The following FAM168A variants were observed in gnomAD, a reference collection of about 807,000 sequenced individuals.
FAM168A encodes the protein family with sequence similarity 168 member A, also known as protein FAM168A.
A neutral mutation model predicts 28.5 loss-of-function variants in FAM168A; 3 were observed. The observed-to-expected ratio is 0.11, with a 90% CI of 0.05 to 0.27. FAM168A has a LOEUF of 0.27. Ranked by LOEUF, FAM168A falls within the 10% of genes least tolerant of loss-of-function variation. FAM168A has a pLI of 1.00. For synonymous variants in FAM168A, 122 were observed against 124.2 expected (o/e 0.98, Z 0.12); for missense variants, 222 against 311.5 (o/e 0.71, Z 2.16).
At chr11:73,497,334 G>A (rs576237784) in intron 1 of FAM168A, among the ~76,000 whole-genome samples, 44 of 152,058 alleles carry the variant, frequency 2.9e-4, no homozygotes, top group East Asian at 1.9e-3. Flanking sequence ...GTGTGGTGGC[G>A]CGCGCCTGTA....
intron 1 of FAM168A, among the ~76,000 whole-genome samples, chr11:73,545,941 A>G (rs569690323): frequency 2.0e-5 from 3 of 152,250 alleles, no homozygotes; most frequent in African/African-American, 4.8e-5. Context: ...AAACACCTAC[A>G]TCTCACAGAA....
At chr11:73,551,158 C>T (rs7945735) in intron 1 of FAM168A, among the ~76,000 whole-genome samples, 12,298 of 150,460 alleles carry the variant, frequency 0.082, 1,524 homozygotes, top group African/African-American at 0.27. Flanking sequence ...CAAGCAGAGG[C>T]CAAACCATGA....
At chr11:73,509,335 A>G (rs981636992) in intron 1 of FAM168A, among the ~76,000 whole-genome samples, 1 of 152,222 alleles carries the variant, frequency 6.6e-6, no homozygotes. Context: ...ATCTCCAAGG[A>G]TGGCTTAAGA....
intron 1 of FAM168A, among the ~76,000 whole-genome samples, chr11:73,542,454 C>A (rs1022466139): frequency 6.6e-6 from 1 of 152,208 alleles, no homozygotes; most frequent in African/African-American, 2.4e-5. Flanking sequence ...TCAGCAAATT[C>A]TGTCAGTTCT....
intron 1 of FAM168A, among the ~76,000 whole-genome samples, chr11:73,579,104 G>A (rs1293394645): frequency 1.3e-5 from 2 of 152,062 alleles, no homozygotes; most frequent in Non-Finnish European, 2.9e-5. Context: ...GCTCTCTGGT[G>A]TCTCTTCTTA....
chr11:73,487,665 C>T (rs1868070723), intron 1 of FAM168A, among the ~76,000 whole-genome samples: 1 of 152,114 alleles, frequency 6.6e-6, no homozygotes, highest in Non-Finnish European at 1.5e-5. Context: ...CACCCAACCT[C>T]AGCCTCTCAT....
chr11:73,447,445 T>C (rs1867339012), intron 2 of FAM168A, among the ~76,000 whole-genome samples: 1 of 150,866 alleles, frequency 6.6e-6, no homozygotes, highest in African/African-American at 2.4e-5. Context: ...CCCAGCTACT[T>C]GGGAAGTTGA....
chr11:73,442,973 T>TATATAC lies in FAM168A; in HGVS notation c.71-12204_71-12203insGTATAT, dbSNP rs1243162934. Among the ~76,000 whole-genome samples the TATATAC allele has an allele frequency of 2.6e-5, 3 of 115,360 alleles. 1 individual carries two copies. The highest frequency in any genetic ancestry group is 5.2e-5 in the Non-Finnish European group (3 of 57,658). 75.7% of individuals were successfully genotyped at this position (115,360 alleles called of 152,430 possible). A position where few individuals can be genotyped will look rare whatever the true frequency, so the allele number is the denominator to read the frequency against. On this transcript the variant is annotated intron_variant, in intron 2 of 7. Coordinates refer to ENST00000356467, the MANE Select transcript of FAM168A (RefSeq NM_015159.3). ...TACAAAGGATATATATATATATATA[T>TATATAC]ATATATATATATATATATATATATG...
At chr11:73,473,378 T>C (rs770294626) in intron 1 of FAM168A, among the ~76,000 whole-genome samples, 5 of 152,138 alleles carry the variant, frequency 3.3e-5, no homozygotes, top group Non-Finnish European at 7.3e-5. Flanking sequence ...CTCAAACCCT[T>C]GTTCAACTCA....
At chr11:73,565,356 A>G (rs1264229804) in intron 1 of FAM168A, among the ~76,000 whole-genome samples, 1 of 152,216 alleles carries the variant, frequency 6.6e-6, no homozygotes, top group Admixed American at 6.5e-5. Flanking sequence ...TTGAGACCAC[A>G]TTATAAGTTA....
chr11:73,431,223 T>A (rs1285538126), intron 2 of FAM168A, among the ~76,000 whole-genome samples: 2 of 151,826 alleles, frequency 1.3e-5, no homozygotes, highest in Non-Finnish European at 2.9e-5. Flanking sequence ...GCGCCTGTGG[T>A]CCCAGCTGCT....
rs1179938742 is a variant in FAM168A at position 73,403,623 on chromosome 11, A to G, written c.*3140T>C. 1 of 151,960 alleles carries G rather than the reference A, an allele frequency of 6.6e-6. No homozygotes were observed. Among genetic ancestry groups the G allele is most frequent in the Non-Finnish European group, 1.5e-5 (1 of 67,994 alleles). The allele number at this position is 151,960 out of a possible 1,614,324, so 9.4% of individuals were successfully genotyped here. A position where few individuals can be genotyped will look rare whatever the true frequency, so the allele number is the denominator to read the frequency against. ...CTAGAATCTTTGGAGGTATCTACCT[A>G]TGGTACCTCCCACTAGATCTCTGTG... On this transcript the variant is annotated 3_prime_UTR_variant, in exon 8 of 8. Transcript: ENST00000356467.
chr11:73,402,466 C>G lies in FAM168A; in HGVS notation c.*4297G>C, dbSNP rs1324665844. On this transcript the variant is annotated 3_prime_UTR_variant, in exon 8 of 8. Coordinates refer to ENST00000356467, the MANE Select transcript of FAM168A (RefSeq NM_015159.3). The stretch of plus-strand genomic sequence containing the variant: ...CTGAAGGCCATCAGAACAAAGCAAG[C>G]CCTCCAAAGAAGGACCCCCAGATCT... 4 of 152,186 alleles carry G rather than the reference C, an allele frequency of 2.6e-5. No homozygotes were observed. Among genetic ancestry groups the G allele is most frequent in the Non-Finnish European group, 5.9e-5 (4 of 68,040 alleles). 9.4% of individuals were successfully genotyped at this position (152,186 alleles called of 1,614,324 possible).
intron 1 of FAM168A, among the ~76,000 whole-genome samples, chr11:73,487,545 T>G (rs891959535): frequency 6.6e-6 from 1 of 152,158 alleles, no homozygotes; most frequent in African/African-American, 2.4e-5. Context: ...TCATTCTCTC[T>G]AATATATTCT....
At chr11:73,534,554 C>G (rs763873122) in intron 1 of FAM168A, among the ~76,000 whole-genome samples, 3 of 152,052 alleles carry the variant, frequency 2.0e-5, no homozygotes, top group Non-Finnish European at 2.9e-5. Flanking sequence ...AGGAGCCCAC[C>G]ACCACGCCTG....
chr11:73,429,784 G>A (rs939931212), intron 3 of FAM168A, among the ~76,000 whole-genome samples: 1 of 152,190 alleles, frequency 6.6e-6, no homozygotes, highest in Non-Finnish European at 1.5e-5. Context: ...TTATATGCCA[G>A]GCTCCCAAAT....
chr11:73,587,643 G>A (rs751053589), intron 1 of FAM168A, among the ~76,000 whole-genome samples: 1 of 152,082 alleles, frequency 6.6e-6, no homozygotes, highest in African/African-American at 2.4e-5. Context: ...GGGCAACACA[G>A]CAAAACTCCA....
intron 1 of FAM168A, among the ~76,000 whole-genome samples, chr11:73,508,862 C>G (rs17244602): frequency 5.7e-4 from 86 of 152,080 alleles, no homozygotes; most frequent in Non-Finnish European, 1.1e-3. Context: ...CTAGTTTGTG[C>G]GTATATGTTG....
chr11:73,426,073 A>G (rs937660083), intron 3 of FAM168A, among the ~76,000 whole-genome samples: 1 of 152,236 alleles, frequency 6.6e-6, no homozygotes, highest in African/African-American at 2.4e-5. Context: ...TTTGTACTTT[A>G]TAGGGATGCA....
Sources: allele counts gnomAD v4.1 joint callset (sites outside exome capture counted in the v4.1 genomes callset), GRCh38; gene constraint gnomAD v4.1.1; transcripts MANE v1.5; gene names NCBI Gene and HGNC (gene_info 2026-07-23, HGNC 2026-07-21).